NPHP4: variants seen among roughly 807,000 people sequenced by gnomAD.
NPHP4 encodes the protein nephrocystin 4.
Under a neutral mutation model 155.8 loss-of-function variants are expected in NPHP4, and 151 were observed. The observed-to-expected ratio is 0.97, with a 90% CI of 0.85 to 1.11. NPHP4 has a LOEUF of 1.11. Among genes scored for constraint, NPHP4 ranks in the 50% least tolerant of loss-of-function variants. The pLI is 0.00. For missense variants in NPHP4, 1,956 were observed against 1,925.7 expected (o/e 1.02, Z -0.29); for synonymous variants, 845 against 816.8 (o/e 1.03, Z -0.59).
chr1:5,968,015 G>A (rs972999957), intron 4 of NPHP4, among the ~76,000 whole-genome samples: 5 of 151,960 alleles, frequency 3.3e-5, no homozygotes, highest in Admixed American at 2.0e-4. Flanking sequence ...CCTGGCACGC[G>A]ACAGACACTC....
chr1:5,988,332 C>T (rs893424461), intron 1 of NPHP4, among the ~76,000 whole-genome samples: 2 of 152,200 alleles, frequency 1.3e-5, no homozygotes, highest in East Asian at 3.9e-4. Context: ...ACCAAGGCAA[C>T]ACAAGGCAAC....
intron 6 of NPHP4, among the ~76,000 whole-genome samples, chr1:5,959,791 T>G (rs910469722): frequency 4.6e-5 from 7 of 152,040 alleles, no homozygotes; most frequent in African/African-American, 1.7e-4. Context: ...TCACAGCTAG[T>G]CCTGAAGATC....
chr1:5,928,967 C>T (rs1557758713), intron 10 of NPHP4, among the ~76,000 whole-genome samples: 1 of 152,194 alleles, frequency 6.6e-6, no homozygotes, highest in South Asian at 2.1e-4. Flanking sequence ...AGAATAACCA[C>T]AATGACAACT....
chr1:5,870,708 C>T lies in NPHP4; in HGVS notation c.3315+2544G>A, dbSNP rs894197627. Reference sequence around the variant, plus strand: ...TCGCCAGTAACAGGACAAAGCAACACGGTGTCCCTCACAGTATGATGTTCG... The same window carrying T: ...TCGCCAGTAACAGGACAAAGCAACATGGTGTCCCTCACAGTATGATGTTCG... On this transcript the variant is annotated intron_variant, in intron 23 of 29. Transcript: ENST00000378156. 8.5e-5 allele frequency among the ~76,000 whole-genome samples: 13 copies of T among 152,246 alleles called. 1 individual carries two copies. Among genetic ancestry groups the T allele is most frequent in the South Asian group, 2.1e-4 (1 of 4,832 alleles).
chr1:5,926,826 C>T (rs1229194391), intron 11 of NPHP4, among the ~76,000 whole-genome samples: 4 of 152,216 alleles, frequency 2.6e-5, no homozygotes, highest in Admixed American at 2.0e-4. Flanking sequence ...AAGCTCCCTC[C>T]CGGGCTTGCA....
In NPHP4 at chr1:5,863,889, C is replaced by T; in HGVS notation, c.4140+1G>A. The T allele has an allele frequency of 1.2e-6, 2 of 1,613,862 alleles. No homozygotes were observed. Among genetic ancestry groups the T allele is most frequent in the Non-Finnish European group, 1.7e-6 (2 of 1,179,880 alleles). On this transcript the variant is annotated splice_donor_variant, in intron 29 of 29. Transcript: ENST00000378156. LOFTEE classifies it high-confidence loss of function. ...GAGTCCCAGGCACAGCCCCACCACACCTGGAAGGAGTCCTCTCTGAACCGC... is the reference window on the plus strand; with the variant it reads ...GAGTCCCAGGCACAGCCCCACCACATCTGGAAGGAGTCCTCTCTGAACCGC...
Position 5,866,541 on chromosome 1 carries a change from G to A in NPHP4, c.3559-83C>T, listed in dbSNP as rs1005598545. ...GCCCCTAAATCTGTGACTAATACACGCAGCGAGTGACGGCCAGTCCCTCCC... is the reference window on the plus strand; with the variant it reads ...GCCCCTAAATCTGTGACTAATACACACAGCGAGTGACGGCCAGTCCCTCCC... On this transcript the variant is annotated intron_variant, in intron 25 of 29. Coordinates refer to ENST00000378156, the MANE Select transcript of NPHP4 (RefSeq NM_015102.5). 61 of 787,016 alleles carry A rather than the reference G, an allele frequency of 7.8e-5. No individual in the cohort carries two copies. In the African/African-American group the frequency reaches 8.1e-4, roughly 11 times the overall value. The allele number at this position is 787,016 out of a possible 1,614,324, so 48.8% of individuals were successfully genotyped here.
At chr1:5,982,633 G>A (rs1654889979) in intron 2 of NPHP4, among the ~76,000 whole-genome samples, 2 of 152,166 alleles carry the variant, frequency 1.3e-5, no homozygotes. Flanking sequence ...TGTTAAGGAG[G>A]AAACAGACGT....
chr1:5,867,440 G>A lies in NPHP4; in HGVS notation c.3472+300C>T, dbSNP rs945182940. The A allele has an allele frequency of 1.8e-4, 98 of 548,496 alleles. No individual in the cohort carries two copies. Among genetic ancestry groups the A allele is most frequent in the South Asian group, 9.3e-4 (41 of 44,048 alleles). 34.0% of individuals were successfully genotyped at this position (548,496 alleles called of 1,614,324 possible). A position where few individuals can be genotyped will look rare whatever the true frequency, so the allele number is the denominator to read the frequency against. ...TGTAAGGGGCACCTACCAGAAACAC[G>A]CGGGCCGTCAGGTGAGGAGGTAGGT... On this transcript the variant is annotated intron_variant, in intron 24 of 29. Coordinates refer to ENST00000378156, the MANE Select transcript of NPHP4 (RefSeq NM_015102.5). The surrounding 1 kb of genome is among the most constrained non-coding windows in gnomAD (Gnocchi z 4.1).
chr1:5,985,184 G>C (rs567068470), intron 2 of NPHP4, among the ~76,000 whole-genome samples: 7 of 152,344 alleles, frequency 4.6e-5, no homozygotes, highest in Admixed American at 3.3e-4. Context: ...TCCAACAACT[G>C]AATATATGTG....
At chr1:5,929,550 C>G (rs954220229) in intron 10 of NPHP4, among the ~76,000 whole-genome samples, 1 of 152,106 alleles carries the variant, frequency 6.6e-6, no homozygotes, top group African/African-American at 2.4e-5. Flanking sequence ...TATCAATTGC[C>G]AGGATCATAT....
At chr1:5,863,439 C>T in intron 29 of NPHP4, 34 bp from the exon 30 acceptor site, 1 of 1,607,756 alleles carries the variant, frequency 6.2e-7, no homozygotes, top group Non-Finnish European at 8.5e-7. Flanking sequence ...AGCATCCACC[C>T]CCGGGCTGTC....
intron 16 of NPHP4, among the ~76,000 whole-genome samples, chr1:5,900,772 T>G (rs539569514): frequency 6.6e-6 from 1 of 152,254 alleles, no homozygotes; most frequent in African/African-American, 2.4e-5. Context: ...GGCTCACGCC[T>G]GTCATCTCAG....
intron 16 of NPHP4, among the ~76,000 whole-genome samples, chr1:5,901,045 CA>C (rs58120496): frequency 7.0e-6 from 1 of 143,458 alleles, no homozygotes; most frequent in Non-Finnish European, 1.5e-5. Context: ...AAATAAAACC[CA>C]AAAAAAAACA....
rs773610868 is a variant in NPHP4 at position 5,927,794 on chromosome 1, T to C, written c.1303-7A>G. ...CCGACTCCACCTGCTTCACCTGCAA[T>C]GGACCAGAAGAGCAGTGATGGCCAC... On this transcript the variant is annotated splice_polypyrimidine_tract_variant and splice_region_variant and intron_variant, in intron 10 of 29. Coordinates refer to ENST00000378156, the MANE Select transcript of NPHP4 (RefSeq NM_015102.5). 1.2e-6 allele frequency: 2 copies of C among 1,608,250 alleles called. No individual in the cohort carries two copies. Among genetic ancestry groups the C allele is most frequent in the South Asian group, 1.1e-5 (1 of 90,914 alleles).
At chr1:5,883,413 C>T (rs1643487188) in intron 18 of NPHP4, among the ~76,000 whole-genome samples, 1 of 152,252 alleles carries the variant, frequency 6.6e-6, no homozygotes, top group African/African-American at 2.4e-5. Flanking sequence ...GGAGAAAGTG[C>T]CACCAGCCCC....
chr1:5,887,516 T>C, intron 17 of NPHP4, 50 bp from the exon 18 acceptor site: 2 of 1,586,656 alleles, frequency 1.3e-6, no homozygotes, highest in Admixed American at 1.7e-5. Flanking sequence ...CCTGGGCTGC[T>C]TCCACCAGCC....
At chr1:5,899,673 C>G (rs1025738349) in intron 16 of NPHP4, among the ~76,000 whole-genome samples, 40 of 152,152 alleles carry the variant, frequency 2.6e-4, no homozygotes, top group Non-Finnish European at 1.0e-4. Context: ...TAGGAGACGA[C>G]ACAGAACAAA....
chr1:5,894,921 G>A (rs1014243987), intron 16 of NPHP4, among the ~76,000 whole-genome samples: 5 of 152,170 alleles, frequency 3.3e-5, no homozygotes, highest in African/African-American at 9.7e-5. Flanking sequence ...TAGAAAAGAC[G>A]TGGAACCAAC....
Sources: gnomAD v4.1 joint callset for allele counts (sites outside exome capture counted in the v4.1 genomes callset) on GRCh38, gnomAD v4.1.1 for gene constraint, Gnocchi (gnomAD v3.1) non-coding constraint, MANE v1.5 for transcripts, NCBI Gene and HGNC (gene_info 2026-07-23, HGNC 2026-07-21) for gene names.